Variants in RBFOX1 observed in about 807,000 individuals in gnomAD.
RBFOX1 encodes the protein RNA binding fox-1 homolog 1.
In RBFOX1, 8 loss-of-function variants were observed where a neutral mutation model predicts 57.7. That is an observed-to-expected ratio of 0.14 (90% CI 0.08 to 0.25). The LOEUF (loss-of-function observed/expected upper bound fraction) is 0.25, where lower values mean the gene tolerates loss of function less well. Ranked by LOEUF, RBFOX1 falls within the 10% of genes least tolerant of loss-of-function variation. RBFOX1 has a pLI of 1.00. For missense variants in RBFOX1, 611 were observed against 548.5 expected (o/e 1.11, Z -1.14); for synonymous variants, 326 against 222.4 (o/e 1.47, Z -4.15).
intron 4 of RBFOX1, among the ~76,000 whole-genome samples, chr16:7,197,821 AG>A (rs1300014630): frequency 6.6e-6 from 1 of 152,106 alleles, no homozygotes; most frequent in African/African-American, 2.4e-5. Context: ...CAGACACAAA[AG>A]GTCACATGTT....
chr16:5,248,755 C>G, intron 1 of RBFOX1, among the ~76,000 whole-genome samples: 1 of 152,052 alleles, frequency 6.6e-6, no homozygotes, highest in Non-Finnish European at 1.5e-5. Context: ...TTTGGGAGGC[C>G]AAGGTGGGGG....
chr16:6,640,847 A>C (rs916985001), intron 2 of RBFOX1, among the ~76,000 whole-genome samples: 5 of 152,058 alleles, frequency 3.3e-5, no homozygotes, highest in African/African-American at 4.8e-5. Flanking sequence ...TTCTAGCCCC[A>C]TCTTAGGATT....
At chr16:7,216,480 C>G (rs1459597057) in intron 4 of RBFOX1, among the ~76,000 whole-genome samples, 1 of 152,060 alleles carries the variant, frequency 6.6e-6, no homozygotes, top group Non-Finnish European at 1.5e-5. Flanking sequence ...CAGAGTGAGA[C>G]CTTGTCGCTA....
At chr16:6,907,799 C>G (rs888854188) in intron 3 of RBFOX1, among the ~76,000 whole-genome samples, 3 of 151,764 alleles carry the variant, frequency 2.0e-5, no homozygotes, top group South Asian at 2.1e-4. Flanking sequence ...GTCTCAAACT[C>G]CTGACCTCAG....
intron 4 of RBFOX1, among the ~76,000 whole-genome samples, chr16:7,331,557 G>C (rs1568246659): frequency 6.6e-6 from 1 of 152,146 alleles, no homozygotes; most frequent in African/African-American, 2.4e-5. Flanking sequence ...AGATGTGTCT[G>C]TACCAATCAT....
chr16:7,604,949 G>C (rs1367573906), intron 9 of RBFOX1, among the ~76,000 whole-genome samples: 1 of 152,018 alleles, frequency 6.6e-6, no homozygotes, highest in Non-Finnish European at 1.5e-5. Flanking sequence ...GTATGAGATG[G>C]GTAACAGTGG....
chr16:5,371,310 A>G (rs2065851539), intron 1 of RBFOX1, among the ~76,000 whole-genome samples: 2 of 152,184 alleles, frequency 1.3e-5, no homozygotes, highest in Admixed American at 6.5e-5. Flanking sequence ...GCCCTCATCC[A>G]ATCTGACTAG....
intron 2 of RBFOX1, among the ~76,000 whole-genome samples, chr16:6,484,124 T>C (rs914458902): frequency 6.6e-6 from 1 of 152,182 alleles, no homozygotes; most frequent in Non-Finnish European, 1.5e-5. Flanking sequence ...CGTTTAACTT[T>C]ATTCCCAGAG....
chr16:6,398,948 A>G (rs2092952953), intron 2 of RBFOX1, among the ~76,000 whole-genome samples: 1 of 152,204 alleles, frequency 6.6e-6, no homozygotes, highest in South Asian at 2.1e-4. Flanking sequence ...CTCCATGAGG[A>G]TTCTGCCCCA....
intron 3 of RBFOX1, among the ~76,000 whole-genome samples, chr16:6,810,161 G>T (rs7194606): frequency 0.15 from 22,441 of 151,808 alleles, 1,673 homozygotes; most frequent in Non-Finnish European, 0.15. Flanking sequence ...TAGGGATTAC[G>T]GATCACTCTC....
chr16:5,457,480 C>G (rs762818782), intron 1 of RBFOX1, among the ~76,000 whole-genome samples: 24 of 152,120 alleles, frequency 1.6e-4, no homozygotes, highest in Non-Finnish European at 3.2e-4. Context: ...CATTAGAGTT[C>G]CACTTTCATG....
intron 2 of RBFOX1, among the ~76,000 whole-genome samples, chr16:6,384,832 C>T (rs2152922929): frequency 6.6e-6 from 1 of 152,298 alleles, no homozygotes; most frequent in East Asian, 1.9e-4. Context: ...AGCTCTTGGT[C>T]AGCCTGTGAT....
At chr16:5,515,056 A>G (rs1272706694) in intron 2 of RBFOX1, among the ~76,000 whole-genome samples, 3 of 152,186 alleles carry the variant, frequency 2.0e-5, no homozygotes, top group Non-Finnish European at 4.4e-5. Context: ...TTTAACAACC[A>G]ACTCTCTAAT....
intron 1 of RBFOX1, among the ~76,000 whole-genome samples, chr16:5,345,291 G>T (rs1030858203): frequency 1.3e-5 from 2 of 152,066 alleles, no homozygotes; most frequent in Non-Finnish European, 2.9e-5. Flanking sequence ...CAGGCCAAGG[G>T]GCCCCTTGGG....
At chr16:7,227,910 C>T (rs955671018) in intron 4 of RBFOX1, among the ~76,000 whole-genome samples, 2 of 152,200 alleles carry the variant, frequency 1.3e-5, no homozygotes, top group Non-Finnish European at 2.9e-5. Flanking sequence ...CCTTTCCCTT[C>T]TAGCAGGATT....
chr16:7,590,622 G>A (rs760711846), intron 7 of RBFOX1, among the ~76,000 whole-genome samples: 12 of 152,044 alleles, frequency 7.9e-5, no homozygotes, highest in Admixed American at 2.6e-4. Flanking sequence ...CACTTTGGGA[G>A]GCCGAGGCAG....
intron 1 of RBFOX1, among the ~76,000 whole-genome samples, chr16:5,348,604 C>T (rs948626774): frequency 8.5e-5 from 13 of 152,150 alleles, no homozygotes; most frequent in African/African-American, 9.7e-5. Context: ...TATTTCAACT[C>T]ACCTGGAGTT....
chr16:5,632,994 A>G (rs1305638690), intron 3 of RBFOX1, among the ~76,000 whole-genome samples: 2 of 140,044 alleles, frequency 1.4e-5, no homozygotes, highest in Non-Finnish European at 3.0e-5. Context: ...GCTGGAATGC[A>G]GTGTTATGAT....
At chr16:7,335,661 C>G (rs576618289) in intron 4 of RBFOX1, among the ~76,000 whole-genome samples, 62 of 151,438 alleles carry the variant, frequency 4.1e-4, no homozygotes, top group African/African-American at 1.4e-3. Flanking sequence ...CGGCATCCAC[C>G]TAATCCTGCA....
Sources: allele counts gnomAD v4.1 joint callset (sites outside exome capture counted in the v4.1 genomes callset), GRCh38; gene constraint gnomAD v4.1.1; transcripts MANE v1.5; gene names NCBI Gene and HGNC (gene_info 2026-07-23, HGNC 2026-07-21).